SBF1: variants seen among roughly 807,000 people sequenced by gnomAD.
SBF1 encodes the protein SET binding factor 1.
A neutral mutation model predicts 215.8 loss-of-function variants in SBF1; 65 were observed. The ratio of observed to expected loss-of-function variants is 0.30; its 90% confidence interval spans 0.25 to 0.37. The LOEUF is 0.37. Ranked by LOEUF, SBF1 falls within the 10% of genes least tolerant of loss-of-function variation. SBF1 has a pLI of 1.00. For missense variants in SBF1, 2,634 were observed against 2,667.8 expected, an observed-to-expected ratio of 0.99 and a Z score of 0.28; for synonymous variants, 1,410 against 1,122.8, an observed-to-expected ratio of 1.26 and a Z score of -5.11.
At position 50,454,795 on chromosome 22, in the gene SBF1, G is replaced by A. The variant is rs372675687; in HGVS notation, c.4812+19C>T. 33 of 1,611,664 alleles carry A rather than the reference G, an allele frequency of 2.0e-5. No homozygotes were observed. The highest frequency in any genetic ancestry group is 2.5e-5 in the Non-Finnish European group (29 of 1,178,892). ...TGGGTCGGGCAGGAGCCGCCTACCC[G>A]ACCCAGGCCCCAGCTTACCTCTGCG... On this transcript the variant is annotated intron_variant, in intron 35 of 40. Coordinates refer to ENST00000380817, the MANE Select transcript of SBF1 (RefSeq NM_002972.4).
chr22:50,449,091 G>C (rs2066944970), intron 36 of SBF1, among the ~76,000 whole-genome samples: 1 of 151,838 alleles, frequency 6.6e-6, no homozygotes, highest in Non-Finnish European at 1.5e-5. Context: ...AGAATCGCTT[G>C]AACCTGGGAG....
In SBF1 at chr22:50,474,173, G is replaced by A. The variant is rs1446587694; in HGVS notation, c.55+613C>T. On this transcript the variant is annotated intron_variant, in intron 1 of 40. Transcript: ENST00000380817. Reference sequence around the variant, plus strand: ...GGGCTTGGCGTGCAGGGCCTGGACCGTCAGGCGAGTCGCCAGGAATGCTCT... The same window carrying A: ...GGGCTTGGCGTGCAGGGCCTGGACCATCAGGCGAGTCGCCAGGAATGCTCT... Among the ~76,000 whole-genome samples, 5 of 152,228 alleles carry A rather than the reference G, an allele frequency of 3.3e-5. No homozygotes were observed. The South Asian group carries it at 8.3e-4, about 25-fold the overall frequency.
intron 1 of SBF1, among the ~76,000 whole-genome samples, chr22:50,470,689 G>C (rs2067965081): frequency 6.6e-6 from 1 of 152,230 alleles, no homozygotes; most frequent in East Asian, 1.9e-4. Flanking sequence ...TGTTGGCTTG[G>C]CTGGGACGGA....
Position 50,446,906 on chromosome 22 carries a change from C to A in SBF1, c.*236G>T. 1 of 734,376 alleles carries A rather than the reference C, an allele frequency of 1.4e-6. No homozygotes were observed. The highest frequency in any genetic ancestry group is 1.4e-5 in the South Asian group (1 of 70,196). 45.5% of individuals were successfully genotyped at this position (734,376 alleles called of 1,614,324 possible). A position where few individuals can be genotyped will look rare whatever the true frequency, so the allele number is the denominator to read the frequency against. On this transcript the variant is annotated 3_prime_UTR_variant, in exon 41 of 41. Coordinates refer to ENST00000380817, the MANE Select transcript of SBF1 (RefSeq NM_002972.4). ...TGACGGGGCCGGACTATTTACAGGC[C>A]CATTGCGGGCTGTACCTTGGCCACC... is the stretch of plus-strand genomic sequence containing the variant.
At chr22:50,465,708 G>C (rs2067720342) in intron 10 of SBF1, 55 bp downstream of exon 10, 1 of 1,499,808 alleles carries the variant, frequency 6.7e-7, no homozygotes. Flanking sequence ...GCAGACCTGA[G>C]TGGGGGCAGC....
intron 36 of SBF1, among the ~76,000 whole-genome samples, chr22:50,453,734 C>T (rs910245765): frequency 2.6e-5 from 4 of 152,016 alleles, no homozygotes; most frequent in East Asian, 3.9e-4. Context: ...TTGCAGTGAG[C>T]GGAGATCGCG....
chr22:50,445,387 C>CTGAG lies in SBF1; in HGVS notation c.*1751_*1754dup, dbSNP rs1477991285. 1 of 152,286 alleles carries CTGAG rather than the reference C, an allele frequency of 6.6e-6. No homozygotes were observed. Among genetic ancestry groups the CTGAG allele is most frequent in the Non-Finnish European group, 1.5e-5 (1 of 68,090 alleles). 9.4% of individuals were successfully genotyped at this position (152,286 alleles called of 1,614,324 possible). A position where few individuals can be genotyped will look rare whatever the true frequency, so the allele number is the denominator to read the frequency against. ...CTGGGCCCCACCTTGTCCTCAGTGG[C>CTGAG]TGAGTGGGAGGGGCAGGTGGAGACC... On this transcript the variant is annotated 3_prime_UTR_variant, in exon 41 of 41. Coordinates refer to ENST00000380817, the MANE Select transcript of SBF1 (RefSeq NM_002972.4).
chr22:50,474,925 C>CGGCCCT lies in SBF1; in HGVS notation c.-91_-86dup, dbSNP rs2068124952. On this transcript the variant is annotated 5_prime_UTR_variant, in exon 1 of 41. Coordinates refer to ENST00000380817, the MANE Select transcript of SBF1 (RefSeq NM_002972.4). ...GGACGGCGCGCTCATGGCCCGGCCC[C>CGGCCCT]GGCCCTGGACCGCGCACCCCGGACA... 19 of 994,742 alleles carry CGGCCCT rather than the reference C, an allele frequency of 1.9e-5. No individual in the cohort carries two copies. The South Asian group carries it at 3.9e-4, about 21-fold the overall frequency. The allele number at this position is 994,742 out of a possible 1,614,324, so 61.6% of individuals were successfully genotyped here.
At chr22:50,467,155 A>G in intron 5 of SBF1, 183 bp downstream of exon 5, 1 of 607,322 alleles carries the variant, frequency 1.6e-6, no homozygotes, top group Non-Finnish European at 2.9e-6. Context: ...ACAGGCCCAG[A>G]GCACAGGTGC....
rs776452478 is a variant in SBF1, at chr22:50,447,468, A to G, written c.5452-15T>C. The G allele has an allele frequency of 1.2e-6, 2 of 1,612,786 alleles. No homozygotes were observed. Among genetic ancestry groups the G allele is most frequent in the Admixed American group, 1.7e-5 (1 of 60,002 alleles). On this transcript the variant is annotated splice_polypyrimidine_tract_variant and intron_variant, in intron 39 of 40. Coordinates refer to ENST00000380817, the MANE Select transcript of SBF1 (RefSeq NM_002972.4). ...TAGTAGCGCAGCTGGAGGAGGCCAC[A>G]GAGTCAGCGGAGCCCCCTCCCCCGT...
Position 50,466,596 on chromosome 22 carries a change from C to T in SBF1, c.655+9G>A, listed in dbSNP as rs1168294961. On this transcript the variant is annotated intron_variant, in intron 6 of 40. Coordinates refer to ENST00000380817, the MANE Select transcript of SBF1 (RefSeq NM_002972.4). ...GGAAGCCATGCGGGGGTGGGACAGA[C>T]AGGCTCACCTAGCTGGCGGAAGAGC... The T allele has an allele frequency of 8.4e-6, 13 of 1,545,950 alleles. No homozygotes were observed. Among genetic ancestry groups the T allele is most frequent in the Non-Finnish European group, 1.1e-5 (13 of 1,143,156 alleles).
rs747746536 is a variant in SBF1, at chr22:50,448,414, C to T, written c.5182G>A (p.Ala1728Thr). 13 of 1,613,684 alleles carry T rather than the reference C, an allele frequency of 8.1e-6. No individual in the cohort carries two copies. Among genetic ancestry groups the T allele is most frequent in the African/African-American group, 1.3e-5 (1 of 74,926 alleles). Residue 1728 changes from alanine to threonine, a missense_variant, in exon 38 of 41, where the codon GCA (alanine) becomes ACA (threonine). Coordinates refer to ENST00000380817, the MANE Select transcript of SBF1 (RefSeq NM_002972.4). ...CCCAGCGAGCGACGGTGGTGGGGTG[C>T]GGTGGACACAAGGAGGGAGCTAGGG... ...GTPSSLLVSTAPHHRRSLGVY... is the reference protein window; with the variant it reads ...GTPSSLLVSTTPHHRRSLGVY...
intron 10 of SBF1, 22 bp downstream of exon 10, chr22:50,465,741 C>G (rs1380641906): frequency 6.3e-7 from 1 of 1,579,198 alleles, no homozygotes; most frequent in Non-Finnish European, 8.6e-7. Flanking sequence ...GGTCCCCATG[C>G]AGGAGCAGCA....
In SBF1 at chr22:50,455,513, C is replaced by G; in HGVS notation, c.4336G>C (p.Gly1446Arg). The change falls in exon 32 of 41, where the codon GGC becomes CGC. Residue 1446 changes from glycine to arginine, a missense_variant. Transcript: ENST00000380817. ...GTGATGTCCCAGCCATCCTCCAGGC[C>G]CACCAGCACGGAGGAGCCTGAATCC... ...LLDSGSSVLV[G>R]LEDGWDITTQ... 6.2e-7 allele frequency: 1 copy of G among 1,605,882 alleles called. No individual in the cohort carries two copies. Among genetic ancestry groups the G allele is most frequent in the Non-Finnish European group, 8.5e-7 (1 of 1,176,612 alleles).
chr22:50,460,531 T>C lies in SBF1; in HGVS notation c.3146+3A>G. The stretch of plus-strand genomic sequence containing the variant: ...CTGCCCTGCCTGGGACCCAGATCCA[T>C]ACCTGAGGGAAGGACCCTTGTCCTT... On this transcript the variant is annotated splice_donor_region_variant and intron_variant, in intron 24 of 40. Coordinates refer to ENST00000380817, the MANE Select transcript of SBF1 (RefSeq NM_002972.4). 1.9e-6 allele frequency: 3 copies of C among 1,613,898 alleles called. No homozygotes were observed. Among genetic ancestry groups the C allele is most frequent in the Non-Finnish European group, 2.5e-6 (3 of 1,179,924 alleles).
chr22:50,449,920 G>C (rs930773199), intron 36 of SBF1, among the ~76,000 whole-genome samples: 5 of 152,210 alleles, frequency 3.3e-5, no homozygotes, highest in African/African-American at 9.6e-5. Context: ...CAGCTTGAGA[G>C]ACAGGAGCCT....
rs749086314 is a variant in SBF1, at chr22:50,462,191, A to G, written c.2396+14T>C. The G allele has an allele frequency of 6.2e-7, 1 of 1,604,032 alleles. No homozygotes were observed. The highest frequency in any genetic ancestry group is 8.5e-7 in the Non-Finnish European group (1 of 1,179,370). ...CCCGCCTCCACTGGGCCCAACCCCC[A>G]GTCCCTGCCTCACCTGTTGGTGACC... On this transcript the variant is annotated intron_variant, in intron 19 of 40. Transcript: ENST00000380817.
rs373494342 is a variant in SBF1, at chr22:50,459,304, C to T, written c.3777G>A (p.Ser1259=). 14 of 1,612,100 alleles carry T rather than the reference C, an allele frequency of 8.7e-6. No individual in the cohort carries two copies. The highest frequency in any genetic ancestry group is 5.3e-5 in the African/African-American group (4 of 75,036). The part of the protein sequence containing the change: ...VSSMPRYADA[S]GRNTLSGFSS... ...AGAAGCCGCTAAGCGTGTTGCGTCC[C>T]GACGCGTCGGCGTAGCGGGGCATGG... is the stretch of plus-strand genomic sequence containing the variant. Residue 1259 remains serine (S), a synonymous_variant, in exon 28 of 41, where the codon TCG becomes TCA. Transcript: ENST00000380817.
At chr22:50,470,872 G>A (rs774711418) in intron 1 of SBF1, among the ~76,000 whole-genome samples, 3 of 152,204 alleles carry the variant, frequency 2.0e-5, no homozygotes, top group Admixed American at 6.5e-5. Flanking sequence ...GGGCCCTGCA[G>A]CCCTCAGCTG....
Sources: gnomAD v4.1 joint callset for allele counts (sites outside exome capture counted in the v4.1 genomes callset) on GRCh38, gnomAD v4.1.1 for gene constraint, MANE v1.5 for transcripts, NCBI Gene and HGNC (gene_info 2026-07-23, HGNC 2026-07-21) for gene names.